ZFR2: variants seen among roughly 807,000 people sequenced by gnomAD.
ZFR2 encodes zinc finger RNA binding protein 2, also known as zinc finger RNA-binding protein 2.
A neutral mutation model predicts 105.7 loss-of-function variants in ZFR2; 104 were observed. That is an observed-to-expected ratio of 0.98 (90% confidence interval 0.84 to 1.16). ZFR2 has a LOEUF of 1.16. ZFR2 is among the 50% of genes most tolerant of loss of function. The pLI is 0.00. For missense variants in ZFR2, 1,425 were observed against 1,355.5 expected (o/e 1.05, Z -0.80); for synonymous variants, 634 against 597.7 (o/e 1.06, Z -0.89).
intron 1 of ZFR2, among the ~76,000 whole-genome samples, chr19:3,864,713 T>C (rs1326900831): frequency 6.6e-6 from 1 of 152,102 alleles, no homozygotes; most frequent in Non-Finnish European, 1.5e-5. Context: ...AATGCTAATC[T>C]TTCTTTTCTT....
intron 13 of ZFR2, 106 bp downstream of exon 13, chr19:3,816,568 T>C (rs1258283735): frequency 9.7e-6 from 14 of 1,442,760 alleles, no homozygotes; most frequent in African/African-American, 4.3e-5. Flanking sequence ...TACCTTAAAG[T>C]TGTGTAGTAA....
intron 5 of ZFR2, among the ~76,000 whole-genome samples, chr19:3,830,997 A>G (rs1210682980): frequency 3.3e-5 from 5 of 151,982 alleles, no homozygotes; most frequent in Admixed American, 3.3e-4. Flanking sequence ...ACACGCTTGC[A>G]CACACAGGCA....
At chr19:3,807,306 G>C in intron 17 of ZFR2, 37 bp from the exon 18 acceptor site, 1 of 1,472,726 alleles carries the variant, frequency 6.8e-7, no homozygotes, top group Non-Finnish European at 9.3e-7. Flanking sequence ...AAGAAGGCGA[G>C]AATGCCCTCG....
Position 3,829,759 on chromosome 19 carries a change from C to T in ZFR2, c.852+1544G>A, listed in dbSNP as rs765236797. Among the ~76,000 whole-genome samples, 21 of 152,314 alleles carry T rather than the reference C, an allele frequency of 1.4e-4. 1 individual carries two copies. Among genetic ancestry groups the T allele is most frequent in the Middle Eastern group, 3.4e-3 (1 of 294 alleles). ...GAACTCCTGGGCTCAAGCGATCTACCGGCTTCGGCCTCCCAAGGTGCTGGG... is the reference window on the plus strand; with the variant it reads ...GAACTCCTGGGCTCAAGCGATCTACTGGCTTCGGCCTCCCAAGGTGCTGGG... On this transcript the variant is annotated intron_variant, in intron 5 of 18. Coordinates refer to ENST00000262961, the MANE Select transcript of ZFR2 (RefSeq NM_015174.2).
chr19:3,809,494 C>T (rs1470452678), intron 16 of ZFR2, among the ~76,000 whole-genome samples: 1 of 152,180 alleles, frequency 6.6e-6, no homozygotes, highest in Non-Finnish European at 1.5e-5. Context: ...TGCTGGCCTC[C>T]CACAGCACTG....
At chr19:3,855,744 C>T (rs1003709730) in intron 1 of ZFR2, among the ~76,000 whole-genome samples, 9 of 152,052 alleles carry the variant, frequency 5.9e-5, no homozygotes, top group African/African-American at 2.2e-4. Flanking sequence ...GGAAACAGGG[C>T]AGCGCATTTG....
chr19:3,820,345 G>A, intron 10 of ZFR2, 55 bp from the exon 11 acceptor site: 1 of 1,481,858 alleles, frequency 6.7e-7, no homozygotes, highest in Non-Finnish European at 9.0e-7. Context: ...CCCTAAGCTG[G>A]GGGCAAGTCA....
rs2037792696 is a variant in ZFR2 at position 3,813,504 on chromosome 19, T to C, written c.2242+316A>G. On this transcript the variant is annotated intron_variant, in intron 14 of 18. Coordinates refer to ENST00000262961, the MANE Select transcript of ZFR2 (RefSeq NM_015174.2). This position sits in a 1 kb window ranked among gnomAD's most constrained non-coding sequence, Gnocchi z 4.4. ...CTGTCCTTTGCCGCCAGGGCTGGTG[T>C]CACCAGGGCCTGAGAAGCAGGTGCC... Among the ~76,000 whole-genome samples the C allele has an allele frequency of 6.6e-6, 1 of 152,266 alleles. No homozygotes were observed. The highest frequency in any genetic ancestry group is 1.9e-4 in the East Asian group (1 of 5,182).
At chr19:3,863,711 G>T (rs1418076564) in intron 1 of ZFR2, among the ~76,000 whole-genome samples, 1 of 152,160 alleles carries the variant, frequency 6.6e-6, no homozygotes, top group Non-Finnish European at 1.5e-5. Flanking sequence ...CTCTACCACA[G>T]GCGCAACCTC....
At position 3,822,145 on chromosome 19, in the gene ZFR2, C is replaced by G; in HGVS notation, c.1427G>C (p.Ser476Thr). The G allele has an allele frequency of 6.2e-7, 1 of 1,610,186 alleles. No homozygotes were observed. Reference sequence around the variant, plus strand: ...GTCCTTCGCGTTAAGGTCGTTGAAACTGCACTCGCACAGCTTGCAGTGGAA... The same window carrying G: ...GTCCTTCGCGTTAAGGTCGTTGAAAGTGCACTCGCACAGCTTGCAGTGGAA... ...LRFHCKLCEC[S>T]FNDLNAKDLH... Residue 476 changes from serine to threonine, a missense_variant, in exon 9 of 19, where the codon AGT becomes ACT. Transcript: ENST00000262961.
At chr19:3,807,307 A>G in intron 17 of ZFR2, 38 bp from the exon 18 acceptor site, 1 of 1,474,180 alleles carries the variant, frequency 6.8e-7, no homozygotes, top group Non-Finnish European at 9.3e-7. Flanking sequence ...AGAAGGCGAG[A>G]ATGCCCTCGT....
intron 5 of ZFR2, among the ~76,000 whole-genome samples, chr19:3,828,487 T>A (rs190084747): frequency 1.3e-5 from 2 of 152,272 alleles, no homozygotes; most frequent in African/African-American, 4.8e-5. Flanking sequence ...GAATTCAACG[T>A]CAGAAACCAA....
At chr19:3,854,757 A>T (rs886909522) in intron 1 of ZFR2, among the ~76,000 whole-genome samples, 1 of 152,130 alleles carries the variant, frequency 6.6e-6, no homozygotes, top group Non-Finnish European at 1.5e-5. Context: ...TCTAAACTAC[A>T]TCATTAAGAG....
Position 3,822,093 on chromosome 19 carries a change from C to T in ZFR2, c.1479G>A (p.Arg493=), listed in dbSNP as rs769602755. ...KDLHVRGRRH[R]LQYRKKVNPD... is the part of the protein sequence containing the mutation. ...CTGCTGGACGCACCCGGTACTGCAG[C>T]CGGTGCCGCCGCCCCCTCACGTGCA... Residue 493 remains arginine (R), a synonymous_variant, in exon 9 of 19, where the codon CGG becomes CGA. Coordinates refer to ENST00000262961, the MANE Select transcript of ZFR2 (RefSeq NM_015174.2). 11 of 1,604,894 alleles carry T rather than the reference C, an allele frequency of 6.9e-6. No individual in the cohort carries two copies. The Admixed American group carries it at 1.2e-4, about 17-fold the overall frequency.
intron 1 of ZFR2, chr19:3,851,744 T>A (rs558538117): frequency 6.6e-6 from 1 of 152,606 alleles, no homozygotes; most frequent in Admixed American, 6.5e-5. Context: ...TTTAAGTGAC[T>A]GGAAAAAGTT....
intron 17 of ZFR2, 136 bp from the exon 18 acceptor site, chr19:3,807,405 C>A: frequency 1.6e-6 from 1 of 638,300 alleles, no homozygotes; most frequent in Admixed American, 2.8e-5. Flanking sequence ...GCACCTCTGA[C>A]CCTCAGGCCT....
At chr19:3,808,231 G>A (rs10403423) in intron 17 of ZFR2, among the ~76,000 whole-genome samples, 1,701 of 151,730 alleles carry the variant, frequency 0.011, 29 homozygotes, top group African/African-American at 0.039. Context: ...GAGTGCGTGC[G>A]TGTGCCCGTG....
chr19:3,818,691 G>A (rs573328588), intron 12 of ZFR2, among the ~76,000 whole-genome samples: 11 of 152,304 alleles, frequency 7.2e-5, no homozygotes, highest in East Asian at 3.9e-4. Context: ...TCCCCAAGGC[G>A]GAGAAGTCCG....
intron 5 of ZFR2, 92 bp from the exon 6 acceptor site, chr19:3,827,745 C>G (rs1043910298): frequency 1.0e-5 from 15 of 1,452,480 alleles, no homozygotes; most frequent in African/African-American, 2.9e-5. Flanking sequence ...CGCGAGGGAA[C>G]TCGGTGGTAA....
Sources: allele counts gnomAD v4.1 joint callset (sites outside exome capture counted in the v4.1 genomes callset), GRCh38; gene constraint gnomAD v4.1.1; non-coding constraint Gnocchi (gnomAD v3.1); transcripts MANE v1.5; gene names NCBI Gene and HGNC (gene_info 2026-07-23, HGNC 2026-07-21).